The following RASSF5 variants were observed in gnomAD, a reference collection of about 807,000 sequenced individuals.
RASSF5 encodes the protein Ras association domain family member 5.
RASSF5 carries 25 observed loss-of-function variants against 40.5 expected under a neutral mutation model. The ratio of observed to expected loss-of-function variants is 0.62; its 90% confidence interval spans 0.45 to 0.86. The LOEUF is 0.86. Ranked by LOEUF, RASSF5 falls within the 40% of genes least tolerant of loss-of-function variation. RASSF5 has a pLI of 0.00. For missense variants in RASSF5, 521 were observed against 572.8 expected (o/e 0.91, Z 0.92); for synonymous variants, 246 against 252.4 (o/e 0.97, Z 0.24).
rs782780967 is a variant in RASSF5, at chr1:206,552,180, G to A, written c.579+13887G>A. Among the ~76,000 whole-genome samples the A allele has an allele frequency of 3.3e-5, 5 of 152,212 alleles. No individual in the cohort carries two copies. Among genetic ancestry groups the A allele is most frequent in the Non-Finnish European group, 7.3e-5 (5 of 68,050 alleles). On this transcript the variant is annotated intron_variant, in intron 2 of 5. Transcript: ENST00000579436. The surrounding 1 kb of genome is among the most constrained non-coding windows in gnomAD (Gnocchi z 4.1). ...GTAGGGTGAGTCTAACCTAAATGGT[G>A]TGCCACCACTCACCTCTTACAACAG...
In RASSF5 at chr1:206,559,035, C is replaced by A. The variant is rs549313436; in HGVS notation, c.579+20742C>A. Reference sequence around the variant, plus strand: ...GACCAGTGGTTATCAATCTTAGCTACACACTGGATTCACAGGAAGCTTTAG... The same window carrying A: ...GACCAGTGGTTATCAATCTTAGCTAAACACTGGATTCACAGGAAGCTTTAG... On this transcript the variant is annotated intron_variant, in intron 2 of 5. Transcript: ENST00000579436. 4.4e-4 allele frequency among the ~76,000 whole-genome samples: 67 copies of A among 152,322 alleles called. 1 individual carries two copies. The Middle Eastern group carries it at 0.031, about 70-fold the overall frequency.
At chr1:206,515,240 GC>G (rs1666716479) in intron 1 of RASSF5, among the ~76,000 whole-genome samples, 1 of 152,188 alleles carries the variant, frequency 6.6e-6, no homozygotes, top group Non-Finnish European at 1.5e-5. Context: ...ATCAGCCAGG[GC>G]TGGGTAATTG....
intron 2 of RASSF5, among the ~76,000 whole-genome samples, chr1:206,574,935 A>G (rs782014518): frequency 5.4e-5 from 8 of 147,470 alleles, no homozygotes; most frequent in Admixed American, 1.4e-4. Flanking sequence ...TCTTGGCTCA[A>G]TGCAACCTCT....
intron 2 of RASSF5, among the ~76,000 whole-genome samples, chr1:206,567,575 C>T (rs1488905555): frequency 2.6e-5 from 4 of 151,948 alleles, no homozygotes; most frequent in African/African-American, 4.8e-5. Flanking sequence ...TGTGTGACCT[C>T]GGGGAACCAC....
intron 2 of RASSF5, among the ~76,000 whole-genome samples, chr1:206,547,491 C>T (rs899221363): frequency 2.0e-5 from 3 of 151,844 alleles, no homozygotes; most frequent in African/African-American, 7.3e-5. Flanking sequence ...GGCTGATGAT[C>T]TGTCACTGTC....
At chr1:206,539,959 C>A (rs1361710301) in intron 2 of RASSF5, among the ~76,000 whole-genome samples, 3 of 152,164 alleles carry the variant, frequency 2.0e-5, no homozygotes, top group African/African-American at 7.2e-5. Context: ...GCCTGGCTGT[C>A]CCCATTACTT....
intron 2 of RASSF5, among the ~76,000 whole-genome samples, chr1:206,576,257 T>C (rs1247651724): frequency 2.0e-5 from 3 of 152,212 alleles, no homozygotes; most frequent in Non-Finnish European, 4.4e-5. Context: ...AGCCAGCAGC[T>C]GCAGAGATCT....
At chr1:206,557,135 T>G in intron 2 of RASSF5, 1 of 989,838 alleles carries the variant, frequency 1.0e-6, no homozygotes, top group Non-Finnish European at 1.2e-6. Flanking sequence ...CGAGCCGGCT[T>G]TGAGGAACCT....
intron 1 of RASSF5, among the ~76,000 whole-genome samples, chr1:206,512,780 G>A (rs1666650641): frequency 6.6e-6 from 1 of 152,216 alleles, no homozygotes; most frequent in Non-Finnish European, 1.5e-5. Flanking sequence ...GAGGCTCAGG[G>A]GAAGCTGCCG....
intron 2 of RASSF5, among the ~76,000 whole-genome samples, chr1:206,547,217 G>C (rs190172304): frequency 1.3e-5 from 2 of 151,870 alleles, no homozygotes; most frequent in African/African-American, 4.8e-5. Context: ...TTTTATTTTC[G>C]CATATACTAC....
At position 206,583,394 on chromosome 1, in the gene RASSF5, A is replaced by T. The variant is rs1553406799; in HGVS notation, c.690+15A>T. On this transcript the variant is annotated intron_variant, in intron 3 of 5. Coordinates refer to ENST00000579436, the MANE Select transcript of RASSF5 (RefSeq NM_182663.4). Reference sequence around the variant, plus strand: ...GCATGAAACTGGTAAGCGCCCGTCCACCCTCAACCTGGCCCCTGCTCCACC... The same window carrying T: ...GCATGAAACTGGTAAGCGCCCGTCCTCCCTCAACCTGGCCCCTGCTCCACC... 1.9e-6 allele frequency: 3 copies of T among 1,565,036 alleles called. No individual in the cohort carries two copies. In the Admixed American group the frequency reaches 5.0e-5, roughly 26 times the overall value.
At chr1:206,583,173 C>A in intron 2 of RASSF5, 96 bp from the exon 3 acceptor site, 1 of 804,598 alleles carries the variant, frequency 1.2e-6, no homozygotes, top group Non-Finnish European at 2.2e-6. Context: ...TGGATGCTCA[C>A]TTCTTGGTTA....
chr1:206,584,670 A>G lies in RASSF5; in HGVS notation c.974A>G (p.His325Arg), dbSNP rs1553407191. Residue 325 changes from histidine to arginine, a missense_variant, in exon 4 of 6, where the codon CAC becomes CGC. Transcript: ENST00000579436. The surrounding 1 kb of genome is among the most constrained non-coding windows in gnomAD (Gnocchi z 4.9). ...AAGTTTGCACTTTTTAAGCGGATAC[A>G]CAAGGACGGACAAGGTAGGAGAAAG... ...PQKFALFKRI[H>R]KDGQVLFQKL... 13 of 1,614,212 alleles carry G rather than the reference A, an allele frequency of 8.1e-6. No individual in the cohort carries two copies. The highest frequency in any genetic ancestry group is 1.1e-5 in the Non-Finnish European group (13 of 1,180,032).
chr1:206,512,723 C>T (rs1572287360), intron 1 of RASSF5, among the ~76,000 whole-genome samples: 1 of 152,056 alleles, frequency 6.6e-6, no homozygotes, highest in South Asian at 2.1e-4. Flanking sequence ...GTGAATTTAT[C>T]CTGTCAGGGA....
rs139208709 is a variant in RASSF5 at position 206,566,794 on chromosome 1, C to T, written c.580-16475C>T. On this transcript the variant is annotated intron_variant, in intron 2 of 5. Coordinates refer to ENST00000579436, the MANE Select transcript of RASSF5 (RefSeq NM_182663.4). ...CCTTCTCTGTGCTCCCCAAACACCTCGCCGCTCTTTCTCTCCTATCTCTCC... is the reference window on the plus strand; with the variant it reads ...CCTTCTCTGTGCTCCCCAAACACCTTGCCGCTCTTTCTCTCCTATCTCTCC... Among the ~76,000 whole-genome samples the T allele has an allele frequency of 9.3e-4, 141 of 152,298 alleles. 2 individuals are homozygous for T. The East Asian group carries it at 0.025, about 27-fold the overall frequency.
chr1:206,537,973 C>T (rs1423801959), intron 1 of RASSF5, among the ~76,000 whole-genome samples, 199 bp from the exon 2 acceptor site: 5 of 152,202 alleles, frequency 3.3e-5, no homozygotes, highest in East Asian at 1.9e-4. Flanking sequence ...TTTGCAAACG[C>T]GTAGAGCACT....
chr1:206,517,242 G>A (rs1440593954), intron 1 of RASSF5, among the ~76,000 whole-genome samples: 7 of 152,180 alleles, frequency 4.6e-5, no homozygotes, highest in Non-Finnish European at 1.0e-4. Context: ...GGGAGACTGA[G>A]GCAGGATGAT....
Position 206,557,809 on chromosome 1 carries a change from G to A in RASSF5, c.579+19516G>A, listed in dbSNP as rs956320478. On this transcript the variant is annotated intron_variant, in intron 2 of 5. Coordinates refer to ENST00000579436, the MANE Select transcript of RASSF5 (RefSeq NM_182663.4). ...GACAAAGCCACATGTCAGGAAAGTGGCCAGGCAGTTGCCCTGAGGGCTGAG... is the reference window on the plus strand; with the variant it reads ...GACAAAGCCACATGTCAGGAAAGTGACCAGGCAGTTGCCCTGAGGGCTGAG... The A allele has an allele frequency of 2.1e-5, 25 of 1,202,864 alleles. No individual in the cohort carries two copies. The African/African-American group carries it at 3.2e-4, about 15-fold the overall frequency. 74.5% of individuals were successfully genotyped at this position (1,202,864 alleles called of 1,614,324 possible). A position where few individuals can be genotyped will look rare whatever the true frequency, so the allele number is the denominator to read the frequency against.
intron 2 of RASSF5, among the ~76,000 whole-genome samples, chr1:206,566,711 G>A (rs1307251946): frequency 6.6e-6 from 1 of 152,230 alleles, no homozygotes; most frequent in East Asian, 1.9e-4. Flanking sequence ...GGAGGAGAAT[G>A]TGGGAGCTGG....
Sources: allele counts gnomAD v4.1 joint callset (sites outside exome capture counted in the v4.1 genomes callset), GRCh38; gene constraint gnomAD v4.1.1; non-coding constraint Gnocchi (gnomAD v3.1); transcripts MANE v1.5; gene names NCBI Gene and HGNC (gene_info 2026-07-23, HGNC 2026-07-21).